The following SNX30 variants were observed in gnomAD, a reference collection of about 807,000 sequenced individuals.
SNX30 encodes sorting nexin family member 30.
In SNX30, 24 loss-of-function variants were observed where a neutral mutation model predicts 46.4. The observed-to-expected ratio is 0.52, with a 90% CI of 0.37 to 0.73. The LOEUF (loss-of-function observed/expected upper bound fraction) is 0.73. SNX30 is among the 30% of genes least tolerant of loss of function. The probability of loss-of-function intolerance (pLI) is 0.00; values close to 1 mark genes in which losing one functional copy is unlikely to be tolerated. For missense variants in SNX30, 533 were observed against 555.7 expected (o/e 0.96, Z 0.41); for synonymous variants, 189 against 211.5 (o/e 0.89, Z 0.92).
At chr9:112,793,337 C>G (rs560564830) in intron 1 of SNX30, among the ~76,000 whole-genome samples, 9 of 152,306 alleles carry the variant, frequency 5.9e-5, no homozygotes, top group African/African-American at 2.2e-4. Flanking sequence ...AACCCAGATG[C>G]CTTCATGTTC....
chr9:112,832,485 T>TGAGAGAGA (rs1172185694), intron 4 of SNX30, among the ~76,000 whole-genome samples: 1 of 130,486 alleles, frequency 7.7e-6, no homozygotes, highest in African/African-American at 3.2e-5. Context: ...TGTGTGTGTG[T>TGAGAGAGA]GTGTGTGTGT....
At chr9:112,826,562 A>C (rs574753449) in intron 3 of SNX30, among the ~76,000 whole-genome samples, 5 of 152,292 alleles carry the variant, frequency 3.3e-5, no homozygotes, top group Non-Finnish European at 5.9e-5. Context: ...GGTGCACCCC[A>C]ATGAACAAAT....
chr9:112,797,646 T>C (rs1372254009), intron 1 of SNX30, among the ~76,000 whole-genome samples: 1 of 151,870 alleles, frequency 6.6e-6, no homozygotes, highest in Non-Finnish European at 1.5e-5. Flanking sequence ...ATGGAATTGG[T>C]TGATCTCTTA....
At chr9:112,844,811 A>T (rs1288554619) in intron 6 of SNX30, among the ~76,000 whole-genome samples, 1 of 152,210 alleles carries the variant, frequency 6.6e-6, no homozygotes, top group Non-Finnish European at 1.5e-5. Flanking sequence ...AGCCAATTTA[A>T]ATTGTCAGGC....
At position 112,751,149 on chromosome 9, in the gene SNX30, G is replaced by A; in HGVS notation, c.148G>A (p.Gly50Ser). The A allele has an allele frequency of 6.6e-7, 1 of 1,515,930 alleles. No homozygotes were observed. The allele number at this position is 1,515,930 out of a possible 1,614,324, so 93.9% of individuals were successfully genotyped here. ...SPDLLMARSFGDKDLILPNGG... is the reference protein window; with the variant it reads ...SPDLLMARSFSDKDLILPNGG... ...GGACCTGCTGATGGCCCGCAGCTTCGGTGACAAGGTGGGGCGCCTGGGGCC... is the reference window on the plus strand; with the variant it reads ...GGACCTGCTGATGGCCCGCAGCTTCAGTGACAAGGTGGGGCGCCTGGGGCC... The change falls in exon 1 of 9, where the codon GGT (glycine) becomes AGT (serine). Residue 50 changes from glycine (G) to serine (S), a missense_variant. Around this residue, in one of 3 missense-constraint regions of SNX30, gnomAD observed 191 missense variants for 160.3 expected, o/e 1.19. Transcript: ENST00000374232.
chr9:112,792,613 A>G (rs527256401), intron 1 of SNX30, among the ~76,000 whole-genome samples: 4 of 152,058 alleles, frequency 2.6e-5, no homozygotes, highest in Admixed American at 6.6e-5. Flanking sequence ...TTTACTAGAG[A>G]CAGGGTTTCC....
chr9:112,825,677 G>T (rs775151006), intron 3 of SNX30, among the ~76,000 whole-genome samples: 8 of 151,740 alleles, frequency 5.3e-5, no homozygotes, highest in Middle Eastern at 3.4e-3. Flanking sequence ...TTTGCTTTTT[G>T]TTCTCGGTGC....
intron 4 of SNX30, 52 bp from the exon 5 acceptor site, chr9:112,836,162 C>A: frequency 6.7e-7 from 1 of 1,495,408 alleles, no homozygotes; most frequent in Non-Finnish European, 9.1e-7. Flanking sequence ...TTATTTAGTC[C>A]TGCCCATGTG....
At position 112,864,349 on chromosome 9, in the gene SNX30, C is replaced by G. The variant is rs1841284944; in HGVS notation, c.1204C>G (p.Arg402Gly). 1 of 1,614,146 alleles carries G rather than the reference C, an allele frequency of 6.2e-7. No individual in the cohort carries two copies. Among genetic ancestry groups the G allele is most frequent in the Non-Finnish European group, 8.5e-7 (1 of 1,180,040 alleles). The change falls in exon 8 of 9, where the codon CGG (arginine) becomes GGG (glycine). Residue 402 changes from arginine to glycine, a missense_variant. Coordinates refer to ENST00000374232, the MANE Select transcript of SNX30 (RefSeq NM_001012994.2). ...RWQNNKRQDF[R>G]QLLMGMADKN... ...GCAGAACAACAAGAGGCAGGACTTC[C>G]GGCAGCTACTCATGGGGATGGCTGA...
intron 4 of SNX30, among the ~76,000 whole-genome samples, chr9:112,832,510 G>GAGAGAGAGAGAGA (rs376705361): frequency 7.2e-6 from 1 of 139,542 alleles, no homozygotes; most frequent in South Asian, 2.3e-4. Flanking sequence ...GAGAGAGAGA[G>GAGAGAGAGAGAGA]AGGAGATTTA....
chr9:112,806,817 T>A (rs1840232392), intron 2 of SNX30, among the ~76,000 whole-genome samples: 1 of 152,132 alleles, frequency 6.6e-6, no homozygotes, highest in Non-Finnish European at 1.5e-5. Context: ...GCGTTTACAT[T>A]CACACACATG....
chr9:112,751,994 C>T (rs112170804), intron 1 of SNX30, among the ~76,000 whole-genome samples: 43 of 152,252 alleles, frequency 2.8e-4, no homozygotes, highest in Admixed American at 5.9e-4. Context: ...TATCCCCGCT[C>T]CTGCCGTCAC....
At chr9:112,759,519 A>G (rs941038096) in intron 1 of SNX30, among the ~76,000 whole-genome samples, 4 of 152,050 alleles carry the variant, frequency 2.6e-5, no homozygotes, top group Non-Finnish European at 5.9e-5. Context: ...CACAAGGTCA[A>G]GAGATCAAGA....
chr9:112,766,668 G>A lies in SNX30; in HGVS notation c.156+15511G>A, dbSNP rs577487816. Among the ~76,000 whole-genome samples, 152 of 152,156 alleles carry A rather than the reference G, an allele frequency of 1.0e-3. 3 individuals are homozygous for A. The highest frequency in any genetic ancestry group is 9.9e-3 in the Admixed American group (151 of 15,290). ...ACTACCTTTCCACTTTGTTTCTATT[G>A]TTTTTGAATACTTTAGATTCCTCCT... is the stretch of plus-strand genomic sequence containing the variant. On this transcript the variant is annotated intron_variant, in intron 1 of 8. Transcript: ENST00000374232.
At chr9:112,814,775 A>G (rs2131417142) in intron 2 of SNX30, among the ~76,000 whole-genome samples, 1 of 152,362 alleles carries the variant, frequency 6.6e-6, no homozygotes, top group Admixed American at 6.5e-5. Flanking sequence ...ATTAAAAAGT[A>G]TATGTACACT....
intron 4 of SNX30, among the ~76,000 whole-genome samples, chr9:112,832,823 A>AT (rs1840688416): frequency 1.4e-5 from 2 of 143,350 alleles, no homozygotes; most frequent in South Asian, 4.2e-4. Context: ...TTATATATTA[A>AT]TATATAATAA....
chr9:112,881,734 A>G (rs1841580105), downstream of SNX30: 3 of 152,240 alleles, frequency 2.0e-5, no homozygotes, highest in African/African-American at 7.2e-5. Context: ...CCAAATAGCC[A>G]TGGTCTCTGC....
intron 1 of SNX30, among the ~76,000 whole-genome samples, chr9:112,792,939 C>T (rs187559793): frequency 1.4e-5 from 2 of 146,124 alleles, no homozygotes; most frequent in Admixed American, 1.4e-4. Flanking sequence ...CTAAAGGGTT[C>T]TGTTTTATGG....
At chr9:112,878,412 G>A (rs184182636), downstream of SNX30, 608 of 152,280 alleles carry the variant, frequency 4.0e-3, no homozygotes, top group Middle Eastern at 0.017. Flanking sequence ...TCTGGCCTTA[G>A]TAACTGCTAC....
Sources: allele counts gnomAD v4.1 joint callset (sites outside exome capture counted in the v4.1 genomes callset), GRCh38; gene constraint gnomAD v4.1.1; regional missense constraint gnomAD v4.1.1; transcripts MANE v1.5; gene names NCBI Gene and HGNC (gene_info 2026-07-23, HGNC 2026-07-21).